PDE4D: variants seen among roughly 807,000 people sequenced by gnomAD.
The protein encoded by PDE4D is phosphodiesterase 4D, also known as 3',5'-cyclic-AMP phosphodiesterase 4D.
A neutral mutation model predicts 87.4 loss-of-function variants in PDE4D; 24 were observed. That is an observed-to-expected ratio of 0.27 (90% CI 0.20 to 0.39). PDE4D has a LOEUF of 0.39. Among genes scored for constraint, PDE4D ranks in the 10% least tolerant of loss-of-function variants. PDE4D has a pLI of 1.00. For missense variants in PDE4D, 714 were observed against 1,041.0 expected (o/e 0.69, Z 4.32); for synonymous variants, 384 against 383.2 (o/e 1.00, Z -0.02).
At chr5:60,280,717 A>T (rs972576991) in intron 1 of PDE4D, among the ~76,000 whole-genome samples, 2 of 152,240 alleles carry the variant, frequency 1.3e-5, no homozygotes, top group Non-Finnish European at 2.9e-5. Context: ...GAAGTTACTT[A>T]ACTCTTCATC....
intron 1 of PDE4D, among the ~76,000 whole-genome samples, chr5:59,844,840 C>A (rs1349839756): frequency 6.6e-6 from 1 of 151,960 alleles, no homozygotes; most frequent in Non-Finnish European, 1.5e-5. Flanking sequence ...TTGAGTTAAC[C>A]AAAAATGGCA....
At chr5:60,068,366 G>A (rs553205433) in intron 2 of PDE4D, among the ~76,000 whole-genome samples, 10 of 152,114 alleles carry the variant, frequency 6.6e-5, no homozygotes, top group Admixed American at 5.9e-4. Context: ...CCATTTGTAT[G>A]TCTTCTTTGA....
At chr5:59,106,973 A>G (rs1448545279) in intron 5 of PDE4D, among the ~76,000 whole-genome samples, 1 of 152,166 alleles carries the variant, frequency 6.6e-6, no homozygotes, top group African/African-American at 2.4e-5. Context: ...TGCCTTTTTA[A>G]ACTAGTGAGA....
intron 1 of PDE4D, among the ~76,000 whole-genome samples, chr5:59,399,154 G>A (rs1432423651): frequency 1.5e-5 from 2 of 135,344 alleles, no homozygotes; most frequent in African/African-American, 5.4e-5. Flanking sequence ...TGGCCATATT[G>A]CCCAAGGTAA....
chr5:59,820,355 G>A (rs1769492083), intron 1 of PDE4D, among the ~76,000 whole-genome samples: 1 of 152,196 alleles, frequency 6.6e-6, no homozygotes, highest in Non-Finnish European at 1.5e-5. Flanking sequence ...CCCCAAATCA[G>A]GACAAGTCAG....
intron 1 of PDE4D, among the ~76,000 whole-genome samples, chr5:59,631,785 C>A (rs544961925): frequency 5.0e-4 from 76 of 152,302 alleles, no homozygotes; most frequent in Admixed American, 1.8e-3. Flanking sequence ...GCCTATACCA[C>A]AAGGGCTCTG....
intron 1 of PDE4D, among the ~76,000 whole-genome samples, chr5:59,341,605 G>C (rs1052021528): frequency 1.1e-4 from 17 of 152,090 alleles, no homozygotes; most frequent in African/African-American, 4.1e-4. Context: ...CTTGGCAAAG[G>C]TATGTATGTA....
In PDE4D at chr5:59,215,942, G is replaced by A. The variant is rs562952667; in HGVS notation, c.482C>T (p.Ala161Val). 4.8e-5 allele frequency: 77 copies of A among 1,612,264 alleles called. No homozygotes were observed. In the East Asian group the frequency reaches 5.8e-4, roughly 12 times the overall value. Residue 161 changes from alanine to valine, a missense_variant, in exon 2 of 15, where the codon GCG (alanine) becomes GTG (valine). Ala to Val is a moderately conservative substitution (Grantham distance 64). Transcript: ENST00000340635. ...CATGGGATCCAAGGGACTCCGTCCC[G>A]CAGATGTGCCATTGTCCACATCAAA... is the stretch of plus-strand genomic sequence containing the variant. ...RRFDVDNGTS[A>V]GRSPLDPMTS...
chr5:59,566,583 T>TGTGAGA (rs1554029771), intron 1 of PDE4D, among the ~76,000 whole-genome samples: 2 of 146,974 alleles, frequency 1.4e-5, no homozygotes, highest in South Asian at 2.2e-4. Flanking sequence ...TGTGTGTGTG[T>TGTGAGA]GAGAGAATGA....
At chr5:60,072,873 C>G (rs933042507) in intron 2 of PDE4D, among the ~76,000 whole-genome samples, 1 of 152,112 alleles carries the variant, frequency 6.6e-6, no homozygotes, top group Non-Finnish European at 1.5e-5. Context: ...ATACCAGAAT[C>G]ATGCTGTTTT....
chr5:59,978,021 C>A (rs557114616), intron 3 of PDE4D, among the ~76,000 whole-genome samples: 1 of 152,264 alleles, frequency 6.6e-6, no homozygotes, highest in South Asian at 2.1e-4. Flanking sequence ...AAAAAAGATT[C>A]TTTTCAAAAT....
chr5:60,519,594 G>A (rs146330684), intron 1 of PDE4D, among the ~76,000 whole-genome samples: 63 of 150,490 alleles, frequency 4.2e-4, no homozygotes, highest in African/African-American at 1.2e-3. Context: ...ATCTCACAGC[G>A]TCCTGTTTGG....
chr5:59,857,912 G>A (rs1745687286), intron 1 of PDE4D, among the ~76,000 whole-genome samples: 1 of 128,976 alleles, frequency 7.8e-6, no homozygotes, highest in Non-Finnish European at 1.6e-5. Flanking sequence ...AAGGAAGGGG[G>A]GAGGGAAGGG....
intron 1 of PDE4D, among the ~76,000 whole-genome samples, chr5:59,484,153 C>G (rs916974985): frequency 3.9e-5 from 6 of 152,186 alleles, no homozygotes; most frequent in Non-Finnish European, 5.9e-5. Flanking sequence ...TGTAAAACAT[C>G]CCTGGGGAAT....
intron 1 of PDE4D, among the ~76,000 whole-genome samples, chr5:59,557,393 T>A (rs1819121423): frequency 6.6e-6 from 1 of 152,208 alleles, no homozygotes; most frequent in Non-Finnish European, 1.5e-5. Context: ...TTTTATTTTC[T>A]GGCCAGGTTG....
intron 2 of PDE4D, among the ~76,000 whole-genome samples, chr5:60,061,240 A>G (rs1562041566): frequency 6.6e-6 from 1 of 152,184 alleles, no homozygotes; most frequent in Non-Finnish European, 1.5e-5. Context: ...AAGTCTCAGG[A>G]TACAAAATCA....
intron 2 of PDE4D, among the ~76,000 whole-genome samples, chr5:60,063,760 G>C (rs944686964): frequency 2.6e-5 from 4 of 152,108 alleles, no homozygotes; most frequent in Non-Finnish European, 5.9e-5. Context: ...AGGTAGGTAA[G>C]TGAGATTTGC....
At chr5:59,350,604 A>G (rs1471016763) in intron 1 of PDE4D, among the ~76,000 whole-genome samples, 2 of 152,174 alleles carry the variant, frequency 1.3e-5, no homozygotes, top group Non-Finnish European at 2.9e-5. Context: ...AGCACCTAAT[A>G]TGTACCACAC....
intron 1 of PDE4D, among the ~76,000 whole-genome samples, chr5:59,624,928 A>G (rs11951110): frequency 0.081 from 12,273 of 152,256 alleles, 622 homozygotes; most frequent in Admixed American, 0.14. Context: ...TATAATGGAA[A>G]CACTGCTTAA....
Sources: allele counts gnomAD v4.1 joint callset (sites outside exome capture counted in the v4.1 genomes callset), GRCh38; gene constraint gnomAD v4.1.1; transcripts MANE v1.5; gene names NCBI Gene and HGNC (gene_info 2026-07-23, HGNC 2026-07-21).